TMEM132D: variants seen among roughly 807,000 people sequenced by gnomAD.
TMEM132D encodes transmembrane protein 132D, also known as mature OL transmembrane protein.
A neutral mutation model predicts 62.3 loss-of-function variants in TMEM132D; 21 were observed. That is an observed-to-expected ratio of 0.34 (90% CI 0.24 to 0.49). The LOEUF (loss-of-function observed/expected upper bound fraction) is 0.49. TMEM132D is among the 20% of genes least tolerant of loss of function. TMEM132D has a pLI of 0.99. For missense variants in TMEM132D, 1,346 were observed against 1,402.8 expected, an observed-to-expected ratio of 0.96 and a Z score of 0.65; for synonymous variants, 621 against 575.6, an observed-to-expected ratio of 1.08 and a Z score of -1.13.
intron 1 of TMEM132D, among the ~76,000 whole-genome samples, chr12:129,794,895 C>T (rs1871516384): frequency 6.6e-6 from 1 of 152,146 alleles, no homozygotes; most frequent in Non-Finnish European, 1.5e-5. Flanking sequence ...AGCAGACATG[C>T]ACATATATGC....
At chr12:129,080,581 A>C (rs1034016286) in intron 7 of TMEM132D, among the ~76,000 whole-genome samples, 1 of 152,234 alleles carries the variant, frequency 6.6e-6, no homozygotes, top group Non-Finnish European at 1.5e-5. Context: ...AGTTATAATG[A>C]TTCCTCATGC....
chr12:129,273,022 C>G (rs897040764), intron 4 of TMEM132D, among the ~76,000 whole-genome samples: 1 of 151,722 alleles, frequency 6.6e-6, no homozygotes, highest in Admixed American at 6.6e-5. Flanking sequence ...ACAGTGAAAC[C>G]CTGTCTCTAC....
At chr12:129,408,520 A>G (rs1182277631) in intron 3 of TMEM132D, among the ~76,000 whole-genome samples, 3 of 150,610 alleles carry the variant, frequency 2.0e-5, no homozygotes, top group Non-Finnish European at 4.4e-5. Context: ...AAAGTTGGGG[A>G]GTGCTTTTTT....
intron 4 of TMEM132D, among the ~76,000 whole-genome samples, chr12:129,290,628 A>G (rs1362581429): frequency 6.6e-6 from 1 of 152,252 alleles, no homozygotes; most frequent in Non-Finnish European, 1.5e-5. Flanking sequence ...AAGGTTTAGA[A>G]GAATATACAG....
At chr12:129,629,038 C>T (rs1047889303) in intron 2 of TMEM132D, among the ~76,000 whole-genome samples, 2 of 151,650 alleles carry the variant, frequency 1.3e-5, no homozygotes, top group African/African-American at 4.8e-5. Context: ...TCCCTCTATC[C>T]CTTCTCTCCC....
intron 3 of TMEM132D, among the ~76,000 whole-genome samples, chr12:129,435,180 G>A (rs1325730806): frequency 1.3e-5 from 2 of 152,122 alleles, no homozygotes; most frequent in African/African-American, 4.8e-5. Context: ...GCATTCCATT[G>A]TGTATAATAT....
intron 3 of TMEM132D, among the ~76,000 whole-genome samples, chr12:129,435,856 A>G (rs1872772922): frequency 6.6e-6 from 1 of 152,180 alleles, no homozygotes; most frequent in African/African-American, 2.4e-5. Context: ...TCGTTTCTTC[A>G]TGTATTTTCT....
At chr12:129,329,679 C>A (rs1180801538) in intron 4 of TMEM132D, among the ~76,000 whole-genome samples, 9 of 152,110 alleles carry the variant, frequency 5.9e-5, no homozygotes, top group Non-Finnish European at 2.9e-5. Context: ...ATGTGTATTC[C>A]AATGAGGGAT....
chr12:129,089,393 GT>G (rs1874815188), intron 5 of TMEM132D, among the ~76,000 whole-genome samples: 1 of 62,912 alleles, frequency 1.6e-5, no homozygotes, highest in African/African-American at 1.0e-4. Flanking sequence ...CCATGACCGG[GT>G]GTCCTCCCTG....
At chr12:129,811,082 A>G (rs531274797) in intron 1 of TMEM132D, among the ~76,000 whole-genome samples, 7 of 152,034 alleles carry the variant, frequency 4.6e-5, no homozygotes, top group African/African-American at 1.7e-4. Context: ...TTAATATTCA[A>G]TAAAAATACA....
chr12:129,294,250 G>C (rs1276114302), intron 4 of TMEM132D, among the ~76,000 whole-genome samples: 1 of 152,130 alleles, frequency 6.6e-6, no homozygotes, highest in Non-Finnish European at 1.5e-5. Flanking sequence ...GTAATCAATG[G>C]CTGGCAGGTC....
At chr12:129,202,980 CT>C in intron 5 of TMEM132D, among the ~76,000 whole-genome samples, 1 of 152,314 alleles carries the variant, frequency 6.6e-6, no homozygotes, top group East Asian at 1.9e-4. Context: ...TCTTAACCAC[CT>C]GCTACATGCC....
At chr12:129,529,703 TCTCATCCATCCA>T (rs1220664528) in intron 3 of TMEM132D, among the ~76,000 whole-genome samples, 3 of 152,258 alleles carry the variant, frequency 2.0e-5, no homozygotes, top group East Asian at 3.9e-4. Context: ...TCATCCACCC[TCTCATCCATCCA>T]CTCATCCATC....
chr12:129,541,083 C>G (rs980095389), intron 2 of TMEM132D, among the ~76,000 whole-genome samples: 1 of 152,212 alleles, frequency 6.6e-6, no homozygotes. Flanking sequence ...ATTTCTTACA[C>G]TGATAAGTTC....
At chr12:129,873,229 C>G (rs1246693745) in intron 1 of TMEM132D, among the ~76,000 whole-genome samples, 1 of 152,096 alleles carries the variant, frequency 6.6e-6, no homozygotes, top group African/African-American at 2.4e-5. Context: ...ATCTTCAGGC[C>G]TCTTTGTTTC....
At chr12:129,364,504 G>A (rs578025433) in intron 3 of TMEM132D, among the ~76,000 whole-genome samples, 11 of 152,318 alleles carry the variant, frequency 7.2e-5, no homozygotes, top group South Asian at 2.1e-4. Context: ...TTGGGGAGAC[G>A]TATAGCGTAA....
intron 2 of TMEM132D, among the ~76,000 whole-genome samples, chr12:129,623,592 C>T (rs1226121427): frequency 6.6e-6 from 1 of 151,598 alleles, no homozygotes; most frequent in East Asian, 1.9e-4. Context: ...CTGCAAAAGA[C>T]ATTATTTCAT....
chr12:129,377,847 C>T (rs559610587), intron 3 of TMEM132D, among the ~76,000 whole-genome samples: 3 of 152,290 alleles, frequency 2.0e-5, no homozygotes, highest in Non-Finnish European at 2.9e-5. Flanking sequence ...ATTTTCCTTC[C>T]ATGTGGACAC....
intron 5 of TMEM132D, among the ~76,000 whole-genome samples, chr12:129,159,775 AAAG>A (rs202118769): frequency 0.46 from 55,461 of 121,034 alleles, 13,087 homozygotes; most frequent in Non-Finnish European, 0.56. Context: ...AAAAAAAAAA[AAAG>A]AAAGAAAATT....
Sources: gnomAD v4.1 joint callset for allele counts (sites outside exome capture counted in the v4.1 genomes callset) on GRCh38, gnomAD v4.1.1 for gene constraint, MANE v1.5 for transcripts, NCBI Gene and HGNC (gene_info 2026-07-23, HGNC 2026-07-21) for gene names.